The following NGDN variants were observed in gnomAD, a reference collection of about 807,000 sequenced individuals.
NGDN encodes the protein EIF4E-binding protein.
A neutral mutation model predicts 45.2 loss-of-function variants in NGDN; 41 were observed. The observed-to-expected ratio is 0.91, with a 90% CI of 0.71 to 1.18. NGDN has a LOEUF of 1.18. NGDN is among the 50% of genes most tolerant of loss of function. The probability of loss-of-function intolerance (pLI) is 0.00; values close to 1 mark genes in which losing one functional copy is unlikely to be tolerated. For synonymous variants in NGDN, 137 were observed against 130.9 expected (o/e 1.05, Z -0.32); for missense variants, 402 against 399.9 (o/e 1.01, Z -0.05).
intron 3 of NGDN, among the ~76,000 whole-genome samples, chr14:23,474,037 CAAAAAA>C (rs10713402): frequency 1.1e-5 from 1 of 88,804 alleles, no homozygotes; most frequent in Non-Finnish European, 2.4e-5. Flanking sequence ...GACTCCATCT[CAAAAAA>C]AAAAAAAAAA....
intron 3 of NGDN, among the ~76,000 whole-genome samples, chr14:23,472,936 G>A (rs542148026): frequency 6.6e-6 from 1 of 152,106 alleles, no homozygotes; most frequent in Non-Finnish European, 1.5e-5. Context: ...CAATGCCCAA[G>A]CACGTCGGAA....
chr14:23,471,801 C>A (rs1595105037), intron 3 of NGDN, among the ~76,000 whole-genome samples: 1 of 92,300 alleles, frequency 1.1e-5, no homozygotes, highest in Admixed American at 1.3e-4. Flanking sequence ...CAGAGCAAGA[C>A]CCTGTCTCAA....
chr14:23,476,321 TAAG>T lies in NGDN; in HGVS notation c.628_630del (p.Lys210del), dbSNP rs1893903045. On this transcript the variant is annotated inframe_deletion, in exon 8 of 11. Coordinates refer to ENST00000408901, the MANE Select transcript of NGDN (RefSeq NM_001042635.2). ...TGAGCAGCTCTGTCATTCGTGAACT[TAAG>T]GAGCAGTACTCAGATGCTCCAGAGG... 6.2e-7 allele frequency: 1 copy of T among 1,614,004 alleles called. No homozygotes were observed. The highest frequency in any genetic ancestry group is 8.5e-7 in the Non-Finnish European group (1 of 1,180,022).
At chr14:23,470,244 C>T (rs977580085) in intron 2 of NGDN, 143 bp downstream of exon 2, 10 of 651,936 alleles carry the variant, frequency 1.5e-5, no homozygotes, top group Admixed American at 5.9e-5. Flanking sequence ...CTTTTCACGC[C>T]AGAATTCTAA....
chr14:23,470,155 G>C (rs1401206626), intron 2 of NGDN, 54 bp downstream of exon 2: 1 of 1,489,152 alleles, frequency 6.7e-7, no homozygotes, highest in East Asian at 2.3e-5. Flanking sequence ...TTGAGTTTGT[G>C]TACTTCACCT....
Position 23,477,185 on chromosome 14 carries a change from G to T in NGDN, c.714-15G>T, listed in dbSNP as rs748374900. 1.9e-6 allele frequency: 3 copies of T among 1,613,636 alleles called. No homozygotes were observed. Among genetic ancestry groups the T allele is most frequent in the South Asian group, 1.1e-5 (1 of 91,016 alleles). On this transcript the variant is annotated splice_polypyrimidine_tract_variant and intron_variant, in intron 8 of 10. Coordinates refer to ENST00000408901, the MANE Select transcript of NGDN (RefSeq NM_001042635.2). ...CCATGGTCTGAGCCTGCTGGAAACT[G>T]TCTTTCTCTGGCAGGATTAACTATG...
intron 1 of NGDN, 152 bp from the exon 2 acceptor site, chr14:23,469,890 C>T (rs1218957890): frequency 2.4e-6 from 3 of 1,251,022 alleles, no homozygotes; most frequent in East Asian, 4.7e-5. Context: ...ACCCAAGGGG[C>T]TGGCTTTAAG....
Position 23,477,376 on chromosome 14 carries a change from G to A in NGDN, c.870+20G>A, listed in dbSNP as rs1893928296. On this transcript the variant is annotated intron_variant, in intron 9 of 10. Coordinates refer to ENST00000408901, the MANE Select transcript of NGDN (RefSeq NM_001042635.2). ...GATGAGGTGAGGTTGAGATATGGTT[G>A]TAGTAGGATGTGACTTTCATGCTTT... 2.5e-6 allele frequency: 4 copies of A among 1,613,676 alleles called. No individual in the cohort carries two copies. The highest frequency in any genetic ancestry group is 3.4e-6 in the Non-Finnish European group (4 of 1,179,636).
chr14:23,476,737 C>T (rs978747400), intron 8 of NGDN, among the ~76,000 whole-genome samples: 2 of 152,178 alleles, frequency 1.3e-5, no homozygotes, highest in Admixed American at 1.3e-4. Flanking sequence ...ACAGCTCTCA[C>T]TTTTGTGCAG....
rs1158583871 is a variant in NGDN at position 23,475,209 on chromosome 14, C to T, written c.183C>T (p.Leu61=). ...SFLEVKDQLL[L]MYLMDLTHLI... Reference sequence around the variant, plus strand: ...TGGAAGTGAAAGACCAGCTGCTGCTCATGTACCTTATGGATTTGACCCACC... The same window carrying T: ...TGGAAGTGAAAGACCAGCTGCTGCTTATGTACCTTATGGATTTGACCCACC... Residue 61 remains leucine (L), a synonymous_variant, in exon 4 of 11, where the codon CTC becomes CTT. Transcript: ENST00000408901. 1.9e-6 allele frequency: 3 copies of T among 1,613,918 alleles called. No homozygotes were observed. Among genetic ancestry groups the T allele is most frequent in the African/African-American group, 1.3e-5 (1 of 74,924 alleles).
At chr14:23,469,822 G>A (rs1179908518) in intron 1 of NGDN, 95 bp downstream of exon 1, 2 of 1,525,570 alleles carry the variant, frequency 1.3e-6, no homozygotes, top group East Asian at 2.3e-5. Context: ...AGGGAAGGGT[G>A]GTGATGAAAG....
rs777272983 is a variant in NGDN, at chr14:23,470,957, G to A, written c.124G>A (p.Gly42Ser). ...VKSLTQKVQA[G>S]AYPTEKGLSF... ...ATCACTGACACAAAAAGTTCAAGCTGGTGCCTATCCTACAGAAAAGGTAAG... is the reference window on the plus strand; with the variant it reads ...ATCACTGACACAAAAAGTTCAAGCTAGTGCCTATCCTACAGAAAAGGTAAG... Residue 42 changes from glycine (G) to serine (S), a missense_variant, in exon 3 of 11, where the codon GGT (glycine) becomes AGT (serine). Transcript: ENST00000408901. 3 of 1,548,194 alleles carry A rather than the reference G, an allele frequency of 1.9e-6. No individual in the cohort carries two copies. The highest frequency in any genetic ancestry group is 2.6e-6 in the Non-Finnish European group (3 of 1,152,914).
At chr14:23,474,905 T>TTACCCTG in intron 3 of NGDN, among the ~76,000 whole-genome samples, 1 of 152,274 alleles carries the variant, frequency 6.6e-6, no homozygotes, top group African/African-American at 2.4e-5. Flanking sequence ...AGAAACCCTG[T>TTACCCTG]TATAGTCTTT....
chr14:23,475,052 C>G, intron 3 of NGDN, 119 bp from the exon 4 acceptor site: 1 of 956,536 alleles, frequency 1.0e-6, no homozygotes, highest in Non-Finnish European at 1.5e-6. Flanking sequence ...TTCCAGATAC[C>G]TAATATGAAC....
intron 4 of NGDN, 27 bp from the exon 5 acceptor site, chr14:23,475,530 AT>A (rs1419388689): frequency 1.2e-6 from 2 of 1,607,158 alleles, no homozygotes; most frequent in African/African-American, 2.7e-5. Flanking sequence ...GGAAGGAAAT[AT>A]AATCCTGATT....
At chr14:23,475,484 C>T (rs117367543) in intron 4 of NGDN, 74 bp from the exon 5 acceptor site, 401 of 1,477,860 alleles carry the variant, frequency 2.7e-4, no homozygotes, top group Non-Finnish European at 3.5e-4. Context: ...TTATGTGGCA[C>T]CTTAATATAG....
rs142394801 is a variant in NGDN, at chr14:23,477,524, C to T, written c.892C>T (p.Arg298Trp). The T allele has an allele frequency of 2.7e-4, 440 of 1,614,062 alleles. 3 individuals carry two copies. The highest frequency in any genetic ancestry group is 1.5e-3 in the South Asian group (136 of 91,078). Residue 298 changes from arginine to tryptophan, a missense_variant, in exon 10 of 11, where the codon CGG becomes TGG. Transcript: ENST00000408901. ...CCAGGATCAGAATCCTATTAAGAAGCGGAAGAAGATACCTCAGAAAGGTCG... is the reference window on the plus strand; with the variant it reads ...CCAGGATCAGAATCCTATTAAGAAGTGGAAGAAGATACCTCAGAAAGGTCG... ...LDEDQNPIKK[R>W]KKIPQKGRKK...
chr14:23,474,963 A>C (rs1893862730), intron 3 of NGDN, among the ~76,000 whole-genome samples: 1 of 152,132 alleles, frequency 6.6e-6, no homozygotes, highest in Non-Finnish European at 1.5e-5. Flanking sequence ...GTCTTCTATT[A>C]ATTTTCTGAG....
In NGDN at chr14:23,477,183, C is replaced by CT. The variant is rs762578440; in HGVS notation, c.714-16dup. Reference sequence around the variant, plus strand: ...CTCCATGGTCTGAGCCTGCTGGAAACTGTCTTTCTCTGGCAGGATTAACTA... The same window carrying CT: ...CTCCATGGTCTGAGCCTGCTGGAAACTTGTCTTTCTCTGGCAGGATTAACTA... On this transcript the variant is annotated splice_polypyrimidine_tract_variant and intron_variant, in intron 8 of 10. Transcript: ENST00000408901. 6.2e-7 allele frequency: 1 copy of CT among 1,613,600 alleles called. No individual in the cohort carries two copies. The highest frequency in any genetic ancestry group is 1.7e-5 in the Admixed American group (1 of 59,982).
Sources: gnomAD v4.1 joint callset for allele counts (sites outside exome capture counted in the v4.1 genomes callset) on GRCh38, gnomAD v4.1.1 for gene constraint, MANE v1.5 for transcripts, NCBI Gene and HGNC (gene_info 2026-07-23, HGNC 2026-07-21) for gene names.